The following DSTN variants were observed in gnomAD, a reference collection of about 807,000 sequenced individuals.
DSTN encodes the protein destrin, actin depolymerizing factor.
Under a neutral mutation model 16.8 loss-of-function variants are expected in DSTN, and 10 were observed. That is an observed-to-expected ratio of 0.60 (90% CI 0.37 to 1.01). The LOEUF is 1.01. Ranked by LOEUF, DSTN falls within the 50% of genes least tolerant of loss-of-function variation. The probability of loss-of-function intolerance (pLI) is 0.01; values close to 1 mark genes in which losing one functional copy is unlikely to be tolerated. For missense variants in DSTN, 141 were observed against 196.7 expected, an observed-to-expected ratio of 0.72 and a Z score of 1.69; for synonymous variants, 57 against 58.9, an observed-to-expected ratio of 0.97 and a Z score of 0.14.
At chr20:17,594,391 G>C (rs1023495411) in intron 1 of DSTN, among the ~76,000 whole-genome samples, 2 of 152,258 alleles carry the variant, frequency 1.3e-5, no homozygotes, top group African/African-American at 4.8e-5. Context: ...CTTGGTGGGA[G>C]AAAACAGAGC....
At chr20:17,596,708 A>G (rs2035530306) in intron 1 of DSTN, 1 of 985,330 alleles carries the variant, frequency 1.0e-6, no homozygotes, top group Non-Finnish European at 1.2e-6. Context: ...ACAAGTGTCT[A>G]ATGGTATAAG....
At chr20:17,570,354 G>T in intron 1 of DSTN, 143 bp downstream of exon 1, 2 of 1,184,488 alleles carry the variant, frequency 1.7e-6, no homozygotes, top group South Asian at 3.8e-5. Flanking sequence ...CGGGCTGCGG[G>T]TGAGGGGGGG....
chr20:17,605,175 A>G (rs925888014), intron 3 of DSTN: 29 of 456,202 alleles, frequency 6.4e-5, no homozygotes, highest in African/African-American at 5.6e-4. Flanking sequence ...TGGGATCCTG[A>G]TGAGATGGCC....
At chr20:17,596,876 C>A in intron 1 of DSTN, 2 of 870,964 alleles carry the variant, frequency 2.3e-6, no homozygotes, top group Non-Finnish European at 2.8e-6. Context: ...ACTAGTACAT[C>A]ATTGATTTAA....
rs2035621758 is a variant in DSTN, at chr20:17,604,592, T to C, written c.349T>C (p.Tyr117His). The C allele has an allele frequency of 6.2e-7, 1 of 1,613,588 alleles. No individual in the cohort carries two copies. The highest frequency in any genetic ancestry group is 1.7e-5 in the Admixed American group (1 of 59,814). The change falls in exon 3 of 4, where the codon TAT becomes CAT. Residue 117 changes from tyrosine (Y) to histidine (H), a missense_variant. Transcript: ENST00000246069. ...AGCACCTCTGAAAAGTAAAATGATC[T>C]ATGCAAGCTCCAAGGATGCAATTAA... is the stretch of plus-strand genomic sequence containing the variant. ...ELAPLKSKMI[Y>H]ASSKDAIKKK...
At chr20:17,595,073 C>T (rs1047888749) in intron 1 of DSTN, among the ~76,000 whole-genome samples, 2 of 152,188 alleles carry the variant, frequency 1.3e-5, no homozygotes, top group Non-Finnish European at 2.9e-5. Flanking sequence ...CTTGGGTAAA[C>T]TCTCTGAGGA....
chr20:17,592,934 A>G (rs911244799), intron 1 of DSTN, among the ~76,000 whole-genome samples: 2 of 152,152 alleles, frequency 1.3e-5, no homozygotes, highest in Non-Finnish European at 2.9e-5. Context: ...TGGAGTGCCT[A>G]CTATAATTTT....
At position 17,570,167 on chromosome 20, in the gene DSTN, G is replaced by C. The variant is rs747535593; in HGVS notation, c.-42G>C. 5 of 1,517,502 alleles carry C rather than the reference G, an allele frequency of 3.3e-6. No homozygotes were observed. The highest frequency in any genetic ancestry group is 5.4e-5 in the East Asian group (2 of 37,302). The allele number at this position is 1,517,502 out of a possible 1,614,324, so 94.0% of individuals were successfully genotyped here. On this transcript the variant is annotated 5_prime_UTR_variant, in exon 1 of 4. Transcript: ENST00000246069. Reference sequence around the variant, plus strand: ...AGGACGGTCTGCATACTCGCTGCCCGCCGGCTCCCTCCCCCGCGTCCCTGC... The same window carrying C: ...AGGACGGTCTGCATACTCGCTGCCCCCCGGCTCCCTCCCCCGCGTCCCTGC...
At chr20:17,577,887 C>G (rs2035297305) in intron 1 of DSTN, among the ~76,000 whole-genome samples, 1 of 152,108 alleles carries the variant, frequency 6.6e-6, no homozygotes, top group African/African-American at 2.4e-5. Context: ...TCAAGTTGCT[C>G]CAGACCTACT....
intron 1 of DSTN, chr20:17,591,947 A>T (rs1483248158): frequency 1.0e-6 from 1 of 985,268 alleles, no homozygotes; most frequent in Middle Eastern, 5.2e-4. Context: ...CAGTTCACCC[A>T]CTAGAGGCAA....
intron 1 of DSTN, among the ~76,000 whole-genome samples, chr20:17,587,621 T>C (rs1301603646): frequency 6.6e-6 from 1 of 152,254 alleles, no homozygotes; most frequent in Admixed American, 6.5e-5. Context: ...GTCTTTACCC[T>C]TGGAGGCATT....
At chr20:17,605,392 C>T (rs1051497642) in intron 3 of DSTN, among the ~76,000 whole-genome samples, 2 of 152,244 alleles carry the variant, frequency 1.3e-5, no homozygotes, top group Non-Finnish European at 2.9e-5. Context: ...AGAGTTTGCC[C>T]TGCCACCTTC....
At position 17,581,303 on chromosome 20, in the gene DSTN, A is replaced by G. The variant is rs561312190; in HGVS notation, c.3+11092A>G. On this transcript the variant is annotated intron_variant, in intron 1 of 3. Transcript: ENST00000246069. ...AAAGACTACCCTGGGCAACATAGAG[A>G]GAACCCGTCTCTACCAAAAAATAAA... 1.6e-3 allele frequency among the ~76,000 whole-genome samples: 245 copies of G among 152,248 alleles called. 7 individuals are homozygous for G. Among genetic ancestry groups the G allele is most frequent in the Admixed American group, 2.0e-3 (31 of 15,294 alleles).
At chr20:17,604,684 G>A in intron 3 of DSTN, 53 bp downstream of exon 3, 2 of 1,522,976 alleles carry the variant, frequency 1.3e-6, no homozygotes, top group Non-Finnish European at 1.8e-6. Flanking sequence ...CACTCAGAAT[G>A]GGGCAGCACC....
At chr20:17,577,298 C>A (rs2035289931) in intron 1 of DSTN, among the ~76,000 whole-genome samples, 1 of 152,190 alleles carries the variant, frequency 6.6e-6, no homozygotes, top group African/African-American at 2.4e-5. Flanking sequence ...CCAACTTGCC[C>A]TGGAGCAATC....
At chr20:17,582,225 C>T (rs948354618) in intron 1 of DSTN, among the ~76,000 whole-genome samples, 55 of 151,778 alleles carry the variant, frequency 3.6e-4, no homozygotes, top group Admixed American at 7.9e-4. Context: ...TTAACAGGTG[C>T]GCGCCACCAC....
intron 1 of DSTN, among the ~76,000 whole-genome samples, chr20:17,570,428 T>G (rs2035186186): frequency 6.6e-6 from 1 of 152,214 alleles, no homozygotes; most frequent in African/African-American, 2.4e-5. Flanking sequence ...GATCCGCGGC[T>G]GTTGCGCAGC....
intron 1 of DSTN, among the ~76,000 whole-genome samples, chr20:17,586,045 G>C (rs907650423): frequency 7.9e-5 from 12 of 152,112 alleles, no homozygotes; most frequent in Admixed American, 1.3e-4. Flanking sequence ...CTTATGCTGA[G>C]AAAACAGGTC....
intron 1 of DSTN, among the ~76,000 whole-genome samples, chr20:17,587,737 A>G (rs528516985): frequency 4.5e-4 from 69 of 152,302 alleles, no homozygotes; most frequent in Middle Eastern, 6.8e-3. Context: ...GCAGGCATCA[A>G]TCAAGCTAAA....
Sources: gnomAD v4.1 joint callset for allele counts (sites outside exome capture counted in the v4.1 genomes callset) on GRCh38, gnomAD v4.1.1 for gene constraint, MANE v1.5 for transcripts, NCBI Gene and HGNC (gene_info 2026-07-23, HGNC 2026-07-21) for gene names.